COLEC12: variants seen among roughly 807,000 people sequenced by gnomAD.
The protein encoded by COLEC12 is collectin subfamily member 12.
Under a neutral mutation model 71.1 loss-of-function variants are expected in COLEC12, and 33 were observed. The ratio of observed to expected loss-of-function variants is 0.46; its 90% CI spans 0.35 to 0.62. The LOEUF is 0.62. Ranked by LOEUF, COLEC12 falls within the 20% of genes least tolerant of loss-of-function variation. The probability of loss-of-function intolerance (pLI) is 0.00; values close to 1 mark genes in which losing one functional copy is unlikely to be tolerated. For synonymous variants in COLEC12, 350 were observed against 353.0 expected (o/e 0.99, Z 0.10); for missense variants, 765 against 916.1 (o/e 0.84, Z 2.13).
chr18:339,386 T>C (rs17451337), intron 5 of COLEC12, among the ~76,000 whole-genome samples: 34,675 of 152,130 alleles, frequency 0.23, 4,155 homozygotes, highest in South Asian at 0.32. Context: ...ACGTGAAGAA[T>C]GACCTCAAAC....
chr18:437,132 C>T (rs1481170476), intron 2 of COLEC12, among the ~76,000 whole-genome samples: 1 of 152,124 alleles, frequency 6.6e-6, no homozygotes, highest in Non-Finnish European at 1.5e-5. Context: ...CTGTCTTGGC[C>T]CAACCAAGGC....
intron 2 of COLEC12, among the ~76,000 whole-genome samples, chr18:400,243 T>C (rs376880573): frequency 5.3e-5 from 8 of 152,236 alleles, no homozygotes; most frequent in African/African-American, 1.7e-4. Context: ...GGAGCAAAAT[T>C]TGGTCCAACT....
chr18:489,616 T>C (rs1237265225), intron 1 of COLEC12, among the ~76,000 whole-genome samples: 1 of 152,120 alleles, frequency 6.6e-6, no homozygotes, highest in Non-Finnish European at 1.5e-5. Flanking sequence ...TAATGATGTA[T>C]ATATGAGGAG....
chr18:382,282 T>C (rs1010642713), intron 2 of COLEC12, among the ~76,000 whole-genome samples: 1 of 152,170 alleles, frequency 6.6e-6, no homozygotes, highest in Admixed American at 6.5e-5. Flanking sequence ...ATAAATCAGA[T>C]ACAGATGGAA....
intron 8 of COLEC12, among the ~76,000 whole-genome samples, chr18:323,075 A>G (rs1419934240): frequency 6.6e-6 from 1 of 152,164 alleles, no homozygotes; most frequent in Non-Finnish European, 1.5e-5. Context: ...AAATACAAAA[A>G]TTAGCTGGGC....
At chr18:483,969 C>T (rs2143777992) in intron 1 of COLEC12, among the ~76,000 whole-genome samples, 1 of 152,282 alleles carries the variant, frequency 6.6e-6, no homozygotes, top group Non-Finnish European at 1.5e-5. Context: ...GCAGCAGAAT[C>T]CACTCACACT....
At chr18:406,444 G>A (rs1915788144) in intron 2 of COLEC12, among the ~76,000 whole-genome samples, 1 of 146,058 alleles carries the variant, frequency 6.8e-6, no homozygotes, top group Non-Finnish European at 1.5e-5. Context: ...GGGAAGCGGA[G>A]CTTGCAGTGA....
At chr18:457,775 G>C (rs557037863) in intron 2 of COLEC12, among the ~76,000 whole-genome samples, 1 of 152,144 alleles carries the variant, frequency 6.6e-6, no homozygotes, top group East Asian at 1.9e-4. Context: ...TATACCAAGC[G>C]GAGTAGAATG....
rs1008338663 is a variant in COLEC12 at position 327,263 on chromosome 18, T to G, written c.2063+4405A>C. 1.5e-4 allele frequency among the ~76,000 whole-genome samples: 23 copies of G among 152,244 alleles called. No homozygotes were observed. Among genetic ancestry groups the G allele is most frequent in the Non-Finnish European group, 2.6e-4 (18 of 68,044 alleles). On this transcript the variant is annotated intron_variant, in intron 8 of 9. Transcript: ENST00000400256. This position sits in a 1 kb window ranked among gnomAD's most constrained non-coding sequence, Gnocchi z 4.0. ...GGTTTATTATTATTTTTTTTAATGC[T>G]GAGATTTGCTGATTGGTACTTTCTA...
At chr18:448,031 T>C (rs1916686321) in intron 2 of COLEC12, among the ~76,000 whole-genome samples, 1 of 152,196 alleles carries the variant, frequency 6.6e-6, no homozygotes, top group African/African-American at 2.4e-5. Context: ...ATCCAAAAAG[T>C]TCAATGGGAA....
At chr18:379,488 A>G (rs963218717) in intron 2 of COLEC12, among the ~76,000 whole-genome samples, 7 of 152,166 alleles carry the variant, frequency 4.6e-5, no homozygotes, top group Admixed American at 1.3e-4. Flanking sequence ...CATGCAACTA[A>G]AAGTTTTGGA....
intron 2 of COLEC12, among the ~76,000 whole-genome samples, chr18:474,345 C>T (rs748945562): frequency 7.2e-5 from 11 of 152,218 alleles, no homozygotes; most frequent in African/African-American, 1.2e-4. Flanking sequence ...TAGATATCCA[C>T]GAAGGAGCGT....
At chr18:407,509 AAG>A (rs1915813723) in intron 2 of COLEC12, among the ~76,000 whole-genome samples, 1 of 152,232 alleles carries the variant, frequency 6.6e-6, no homozygotes, top group African/African-American at 2.4e-5. Flanking sequence ...GAAAATAAAA[AAG>A]AAAGAAAAAT....
At chr18:431,349 G>C (rs1304018037) in intron 2 of COLEC12, among the ~76,000 whole-genome samples, 1 of 152,104 alleles carries the variant, frequency 6.6e-6, no homozygotes, top group African/African-American at 2.4e-5. Flanking sequence ...GTTTGGATCA[G>C]AGTCTTCATA....
intron 2 of COLEC12, among the ~76,000 whole-genome samples, chr18:416,102 C>CTT (rs778116292): frequency 2.6e-5 from 4 of 152,176 alleles, no homozygotes; most frequent in Admixed American, 6.5e-5. Context: ...GATGACTCAA[C>CTT]TTTTAAACCT....
intron 2 of COLEC12, among the ~76,000 whole-genome samples, chr18:361,239 G>C (rs1473617098): frequency 6.6e-6 from 1 of 152,134 alleles, no homozygotes; most frequent in Non-Finnish European, 1.5e-5. Context: ...GGGCATCTTG[G>C]TGAGAGCTGA....
At chr18:340,091 A>AAAAAAAC (rs1555613032) in intron 5 of COLEC12, among the ~76,000 whole-genome samples, 2 of 150,936 alleles carry the variant, frequency 1.3e-5, no homozygotes, top group Middle Eastern at 3.2e-3. Flanking sequence ...AAAAAAAAAA[A>AAAAAAAC]CAAAAAGAAC....
At chr18:443,169 T>C (rs1230641520) in intron 2 of COLEC12, among the ~76,000 whole-genome samples, 1 of 152,270 alleles carries the variant, frequency 6.6e-6, no homozygotes, top group Non-Finnish European at 1.5e-5. Flanking sequence ...GTATATATTC[T>C]CTTTCCAATT....
chr18:440,396 CACACAT>C (rs1192103942), intron 2 of COLEC12, among the ~76,000 whole-genome samples: 4 of 150,542 alleles, frequency 2.7e-5, no homozygotes, highest in Admixed American at 6.6e-5. Flanking sequence ...CACACACACA[CACACAT>C]ACACAGGTAA....
Sources: allele counts gnomAD v4.1 joint callset (sites outside exome capture counted in the v4.1 genomes callset), GRCh38; gene constraint gnomAD v4.1.1; non-coding constraint Gnocchi (gnomAD v3.1); transcripts MANE v1.5; gene names NCBI Gene and HGNC (gene_info 2026-07-23, HGNC 2026-07-21).